Variants in CHRM3 observed in about 807,000 individuals in gnomAD.
CHRM3 encodes cholinergic receptor muscarinic 3.
CHRM3 carries 11 observed loss-of-function variants against 41.8 expected under a neutral mutation model. The observed-to-expected ratio is 0.26, with a 90% CI of 0.17 to 0.44. CHRM3 has a LOEUF of 0.44. CHRM3 is among the 20% of genes least tolerant of loss of function. CHRM3 has a pLI of 1.00. For synonymous variants in CHRM3, 297 were observed against 301.4 expected (o/e 0.99, Z 0.15); for missense variants, 571 against 745.4 (o/e 0.77, Z 2.72).
intron 5 of CHRM3, among the ~76,000 whole-genome samples, chr1:239,679,743 C>A (rs1658375869): frequency 6.6e-6 from 1 of 152,056 alleles, no homozygotes; most frequent in Admixed American, 6.6e-5. Context: ...TGGGCCTACA[C>A]AAATTTGTAT....
chr1:239,493,806 G>A (rs781444627), intron 2 of CHRM3, among the ~76,000 whole-genome samples: 1 of 152,090 alleles, frequency 6.6e-6, no homozygotes, highest in Non-Finnish European at 1.5e-5. Flanking sequence ...ATATACAAAT[G>A]GTAAAACTAT....
In CHRM3 at chr1:239,743,783, T is replaced by C. The variant is rs557411408; in HGVS notation, c.-147+65495T>C. On this transcript the variant is annotated intron_variant, in intron 5 of 6. Coordinates refer to ENST00000676153, the MANE Select transcript of CHRM3 (RefSeq NM_001375978.1). ...TCTTTTTCTTTTTCTTTTTCTTTTT[T>C]TTTTCTTTTTTTTTTTTTTTTTTTT... Among the ~76,000 whole-genome samples, 1,353 of 143,014 alleles carry C rather than the reference T, an allele frequency of 9.5e-3. 14 individuals carry two copies. Among genetic ancestry groups the C allele is most frequent in the Middle Eastern group, 0.025 (7 of 278 alleles). The allele number at this position is 143,014 out of a possible 152,430, so 93.8% of individuals were successfully genotyped here.
chr1:239,792,863 T>A (rs1395171555), intron 5 of CHRM3, among the ~76,000 whole-genome samples: 3 of 152,220 alleles, frequency 2.0e-5, no homozygotes, highest in Non-Finnish European at 2.9e-5. Context: ...ACATGTGTGA[T>A]TTGCATTTTA....
rs536777765 is a variant in CHRM3 at position 239,661,736 on chromosome 1, A to G, written c.-249-16450A>G. ...ATTTTGTATAATACTATAATGGTGGATACATCATTATAGATTTGTCAAAAT... is the reference window on the plus strand; with the variant it reads ...ATTTTGTATAATACTATAATGGTGGGTACATCATTATAGATTTGTCAAAAT... On this transcript the variant is annotated intron_variant, in intron 4 of 6. Coordinates refer to ENST00000676153, the MANE Select transcript of CHRM3 (RefSeq NM_001375978.1). Among the ~76,000 whole-genome samples the G allele has an allele frequency of 2.1e-3, 318 of 152,280 alleles. 2 individuals carry two copies. Among genetic ancestry groups the G allele is most frequent in the African/African-American group, 7.3e-3 (303 of 41,562 alleles).
At chr1:239,579,030 C>G (rs1662627860) in intron 3 of CHRM3, among the ~76,000 whole-genome samples, 2 of 152,188 alleles carry the variant, frequency 1.3e-5, no homozygotes, top group Admixed American at 1.3e-4. Flanking sequence ...TAATTATTAG[C>G]ATGAATGTTT....
chr1:239,875,812 T>C (rs1321065930), intron 6 of CHRM3, among the ~76,000 whole-genome samples: 1 of 152,228 alleles, frequency 6.6e-6, no homozygotes, highest in African/African-American at 2.4e-5. Flanking sequence ...ATGTTTCCTG[T>C]GGTCTCTCCT....
rs115767094 is a variant in CHRM3, at chr1:239,894,834, C to A, written c.-19-12599C>A. Among the ~76,000 whole-genome samples the A allele has an allele frequency of 5.5e-3, 839 of 152,232 alleles. 6 individuals carry two copies. Among genetic ancestry groups the A allele is most frequent in the African/African-American group, 0.019 (794 of 41,528 alleles). ...TTAACCATACAGTATTACTAGTCTT[C>A]ATTTTCTGGTGTTGCACAGAGGATC... On this transcript the variant is annotated intron_variant, in intron 6 of 6. Transcript: ENST00000676153.
Position 239,465,427 on chromosome 1 carries a change from T to C in CHRM3, c.-520-27282T>C, listed in dbSNP as rs188496681. Reference sequence around the variant, plus strand: ...ATAAGGATGAAATAGGACTAAAGAGTCTTGAATGATAGGGTGAAGAGTTGA... The same window carrying C: ...ATAAGGATGAAATAGGACTAAAGAGCCTTGAATGATAGGGTGAAGAGTTGA... On this transcript the variant is annotated intron_variant, in intron 1 of 6. Coordinates refer to ENST00000676153, the MANE Select transcript of CHRM3 (RefSeq NM_001375978.1). Among the ~76,000 whole-genome samples, 35 of 151,822 alleles carry C rather than the reference T, an allele frequency of 2.3e-4. No homozygotes were observed. In the East Asian group the frequency reaches 4.7e-3, roughly 20 times the overall value.
intron 1 of CHRM3, among the ~76,000 whole-genome samples, chr1:239,402,700 T>A (rs892104174): frequency 6.6e-6 from 1 of 152,166 alleles, no homozygotes; most frequent in African/African-American, 2.4e-5. Context: ...AATATGGTCG[T>A]CCCTCAGTAT....
chr1:239,637,427 A>G (rs1011616124), intron 4 of CHRM3, among the ~76,000 whole-genome samples: 1 of 151,662 alleles, frequency 6.6e-6, no homozygotes, highest in Admixed American at 6.6e-5. Context: ...TCCTTAGAAT[A>G]TAGTCCCAGA....
intron 3 of CHRM3, among the ~76,000 whole-genome samples, chr1:239,567,414 T>A (rs1661458266): frequency 6.6e-6 from 1 of 152,202 alleles, no homozygotes; most frequent in Non-Finnish European, 1.5e-5. Flanking sequence ...GTTAACATTT[T>A]CTTTCTCAAT....
chr1:239,477,283 G>C (rs1558251918), intron 1 of CHRM3, among the ~76,000 whole-genome samples: 2 of 152,172 alleles, frequency 1.3e-5, no homozygotes, highest in African/African-American at 4.8e-5. Flanking sequence ...GTAGCATCTT[G>C]AGGACTACAA....
At chr1:239,426,897 T>A (rs925443892) in intron 1 of CHRM3, among the ~76,000 whole-genome samples, 2 of 152,002 alleles carry the variant, frequency 1.3e-5, no homozygotes, top group African/African-American at 4.8e-5. Context: ...AAGAGAGGAA[T>A]TGGAGATAAT....
At chr1:239,819,876 C>T (rs1671894174) in intron 5 of CHRM3, among the ~76,000 whole-genome samples, 4 of 152,132 alleles carry the variant, frequency 2.6e-5, no homozygotes, top group Admixed American at 2.0e-4. Flanking sequence ...CATGGAATTC[C>T]GTACTTCCCT....
chr1:239,771,274 C>A (rs1667645756), intron 5 of CHRM3, among the ~76,000 whole-genome samples: 1 of 152,108 alleles, frequency 6.6e-6, no homozygotes, highest in African/African-American at 2.4e-5. Context: ...AATATCTCTT[C>A]AGTTCTAGCC....
chr1:239,780,411 A>G (rs1668426478), intron 5 of CHRM3, among the ~76,000 whole-genome samples: 1 of 152,102 alleles, frequency 6.6e-6, no homozygotes, highest in Non-Finnish European at 1.5e-5. Context: ...TTCTTTGCCA[A>G]CTGTATATCC....
At position 239,748,487 on chromosome 1, in the gene CHRM3, G is replaced by T. The variant is rs1405012939; in HGVS notation, c.-147+70199G>T. On this transcript the variant is annotated intron_variant, in intron 5 of 6. Transcript: ENST00000676153. The surrounding 1 kb of genome is among the most constrained non-coding windows in gnomAD (Gnocchi z 4.3). ...CTGTCCTTGACTCTTTCATTCCATA[G>T]AATTTTTAAATATGCAGTGTGTTTT... is the stretch of plus-strand genomic sequence containing the variant. Among the ~76,000 whole-genome samples, 2 of 152,162 alleles carry T rather than the reference G, an allele frequency of 1.3e-5. No homozygotes were observed. Among genetic ancestry groups the T allele is most frequent in the Non-Finnish European group, 2.9e-5 (2 of 68,042 alleles).
chr1:239,559,764 T>C (rs1660690514), intron 3 of CHRM3, among the ~76,000 whole-genome samples: 1 of 152,190 alleles, frequency 6.6e-6, no homozygotes, highest in African/African-American at 2.4e-5. Flanking sequence ...TAACTCCACA[T>C]CTACATAACA....
At chr1:239,761,521 G>A (rs766298653) in intron 5 of CHRM3, among the ~76,000 whole-genome samples, 5 of 152,118 alleles carry the variant, frequency 3.3e-5, no homozygotes, top group African/African-American at 9.7e-5. Flanking sequence ...ATGTTTTATC[G>A]TTGTTTGGGG....
Sources: allele counts gnomAD v4.1 joint callset (sites outside exome capture counted in the v4.1 genomes callset), GRCh38; gene constraint gnomAD v4.1.1; non-coding constraint Gnocchi (gnomAD v3.1); transcripts MANE v1.5; gene names NCBI Gene and HGNC (gene_info 2026-07-23, HGNC 2026-07-21).